The following AKAP6 variants were observed in gnomAD, a reference collection of about 807,000 sequenced individuals.
AKAP6 encodes A-kinase anchor protein 6.
Under a neutral mutation model 188.5 loss-of-function variants are expected in AKAP6, and 58 were observed. That is an observed-to-expected ratio of 0.31 (90% CI 0.25 to 0.38). The LOEUF is 0.38. Among genes scored for constraint, AKAP6 ranks in the 10% least tolerant of loss-of-function variants. The pLI, the probability that AKAP6 is intolerant of heterozygous loss-of-function variation, is 1.00. For missense variants in AKAP6, 2,710 were observed against 2,740.0 expected (o/e 0.99, Z 0.24); for synonymous variants, 989 against 998.6 (o/e 0.99, Z 0.18).
At chr14:32,790,630 TG>T (rs544375237) in intron 12 of AKAP6, among the ~76,000 whole-genome samples, 2 of 152,318 alleles carry the variant, frequency 1.3e-5, no homozygotes, top group East Asian at 3.9e-4. Context: ...CTTTAAGTTC[TG>T]GGATACATGT....
At chr14:32,529,906 CTT>C (rs896442019) in intron 2 of AKAP6, among the ~76,000 whole-genome samples, 6 of 142,890 alleles carry the variant, frequency 4.2e-5, no homozygotes, top group Non-Finnish European at 9.0e-5. Flanking sequence ...GTCAGAATCT[CTT>C]TTTAGCTTTC....
At chr14:32,734,837 T>C (rs1443846901) in intron 10 of AKAP6, among the ~76,000 whole-genome samples, 1 of 152,180 alleles carries the variant, frequency 6.6e-6, no homozygotes, top group Non-Finnish European at 1.5e-5. Context: ...ATTTTATTTA[T>C]GTTTTAAAGC....
At chr14:32,339,348 T>A (rs1024404518) in intron 1 of AKAP6, among the ~76,000 whole-genome samples, 2 of 152,194 alleles carry the variant, frequency 1.3e-5, no homozygotes, top group Admixed American at 6.5e-5. Flanking sequence ...ATTCTTGCTA[T>A]TCCAGATAGC....
At chr14:32,708,970 C>A (rs531856762) in intron 9 of AKAP6, among the ~76,000 whole-genome samples, 112 of 152,120 alleles carry the variant, frequency 7.4e-4, no homozygotes, top group African/African-American at 2.5e-3. Context: ...AAACCAGGAG[C>A]CAAAATCCTC....
chr14:32,487,097 C>A (rs1879738785), intron 2 of AKAP6, among the ~76,000 whole-genome samples: 1 of 152,174 alleles, frequency 6.6e-6, no homozygotes, highest in Admixed American at 6.5e-5. Flanking sequence ...GTCATTGGTT[C>A]TGTTTATGTG....
At chr14:32,685,185 G>A (rs530805501) in intron 8 of AKAP6, among the ~76,000 whole-genome samples, 1 of 152,010 alleles carries the variant, frequency 6.6e-6, no homozygotes, top group South Asian at 2.1e-4. Flanking sequence ...GATTGCTTGA[G>A]CCCAGGAGGT....
chr14:32,675,681 G>A (rs544543298), intron 7 of AKAP6, among the ~76,000 whole-genome samples: 2 of 152,184 alleles, frequency 1.3e-5, no homozygotes, highest in East Asian at 3.9e-4. Context: ...GAAAGACCTG[G>A]GCCATCTAAT....
rs1257403286 is a variant in AKAP6, at chr14:32,702,674, C to CGGAA, written c.3000+6567_3000+6570dup. On this transcript the variant is annotated intron_variant, in intron 9 of 13. Coordinates refer to ENST00000280979, the MANE Select transcript of AKAP6 (RefSeq NM_004274.5). ...TGTCTCTAGCGGGTGAGCTACTGTCCGGAAGGTGCGTTGGCTCTCTGGGCT... is the reference window on the plus strand; with the variant it reads ...TGTCTCTAGCGGGTGAGCTACTGTCCGGAAGGAAGGTGCGTTGGCTCTCTGGGCT... 2.6e-5 allele frequency among the ~76,000 whole-genome samples: 4 copies of CGGAA among 152,260 alleles called. No homozygotes were observed. The South Asian group carries it at 6.2e-4, about 24-fold the overall frequency.
At chr14:32,428,746 T>C (rs1890119120) in intron 1 of AKAP6, among the ~76,000 whole-genome samples, 1 of 152,218 alleles carries the variant, frequency 6.6e-6, no homozygotes, top group Admixed American at 6.5e-5. Flanking sequence ...GTTGAATGCA[T>C]TCTGCTAGCG....
chr14:32,702,778 G>A (rs751490199), intron 9 of AKAP6, among the ~76,000 whole-genome samples: 19 of 152,122 alleles, frequency 1.2e-4, no homozygotes, highest in Non-Finnish European at 2.4e-4. Context: ...CGAGCCGTGG[G>A]GAAAGTTCCC....
At chr14:32,367,054 T>C (rs1187437854) in intron 1 of AKAP6, among the ~76,000 whole-genome samples, 1 of 152,294 alleles carries the variant, frequency 6.6e-6, no homozygotes, top group Middle Eastern at 3.4e-3. Flanking sequence ...GCTGCTCCAA[T>C]TCAGAGCATG....
intron 2 of AKAP6, among the ~76,000 whole-genome samples, chr14:32,532,578 C>T (rs944839800): frequency 2.6e-5 from 4 of 152,150 alleles, no homozygotes; most frequent in African/African-American, 9.7e-5. Flanking sequence ...ATGATGCTTT[C>T]GTGGTGCCAA....
chr14:32,788,476 A>C (rs1450772961), intron 12 of AKAP6, among the ~76,000 whole-genome samples: 1 of 152,192 alleles, frequency 6.6e-6, no homozygotes, highest in Admixed American at 6.5e-5. Flanking sequence ...TCTCACATTG[A>C]AACTAACTAA....
intron 1 of AKAP6, among the ~76,000 whole-genome samples, chr14:32,381,003 G>A (rs1409223803): frequency 6.6e-6 from 1 of 151,992 alleles, no homozygotes; most frequent in African/African-American, 2.4e-5. Flanking sequence ...AGAGCACCTA[G>A]TCTATGGTAG....
At chr14:32,504,830 C>T (rs1880786088) in intron 2 of AKAP6, among the ~76,000 whole-genome samples, 1 of 152,172 alleles carries the variant, frequency 6.6e-6, no homozygotes, top group Non-Finnish European at 1.5e-5. Flanking sequence ...ATGTTACATA[C>T]CCATTAGGGT....
intron 7 of AKAP6, among the ~76,000 whole-genome samples, chr14:32,675,633 G>C (rs1294461904): frequency 1.3e-5 from 2 of 152,210 alleles, no homozygotes; most frequent in Non-Finnish European, 2.9e-5. Context: ...ATTTGGGAAT[G>C]AATCACTGAA....
At chr14:32,449,373 T>G (rs1890857615) in intron 2 of AKAP6, among the ~76,000 whole-genome samples, 1 of 151,650 alleles carries the variant, frequency 6.6e-6, no homozygotes. Context: ...AAACAAAAAA[T>G]TAGGCAGGCA....
chr14:32,581,425 G>A (rs1884961168), intron 5 of AKAP6, among the ~76,000 whole-genome samples: 2 of 152,086 alleles, frequency 1.3e-5, no homozygotes, highest in South Asian at 2.1e-4. Context: ...TATGTGGTCA[G>A]TTTTGGAGTA....
intron 11 of AKAP6, among the ~76,000 whole-genome samples, chr14:32,771,503 C>G (rs545596097): frequency 6.6e-6 from 1 of 152,180 alleles, no homozygotes; most frequent in South Asian, 2.1e-4. Context: ...TGGATACATT[C>G]TAGATACTTA....
Sources: allele counts gnomAD v4.1 joint callset (sites outside exome capture counted in the v4.1 genomes callset), GRCh38; gene constraint gnomAD v4.1.1; transcripts MANE v1.5; gene names NCBI Gene and HGNC (gene_info 2026-07-23, HGNC 2026-07-21).